The following CDH20 variants were observed in gnomAD, a reference collection of about 807,000 sequenced individuals.
CDH20 encodes cadherin-20.
CDH20 carries 29 observed loss-of-function variants against 74.2 expected under a neutral mutation model. That is an observed-to-expected ratio of 0.39 (90% CI 0.29 to 0.53). The LOEUF is 0.53. Ranked by LOEUF, CDH20 falls within the 20% of genes least tolerant of loss-of-function variation. The pLI, the probability that CDH20 is intolerant of heterozygous loss-of-function variation, is 0.69. For missense variants in CDH20, 988 were observed against 1,048.3 expected, an observed-to-expected ratio of 0.94 and a Z score of 0.79; for synonymous variants, 469 against 405.4, an observed-to-expected ratio of 1.16 and a Z score of -1.88.
In CDH20 at chr18:61,333,458, G is replaced by A. The variant is rs1395321572; in HGVS notation, c.-522G>A. 1 of 152,440 alleles carries A rather than the reference G, an allele frequency of 6.6e-6. No homozygotes were observed. Among genetic ancestry groups the A allele is most frequent in the African/African-American group, 2.4e-5 (1 of 41,470 alleles). The allele number at this position is 152,440 out of a possible 1,614,324, so 9.4% of individuals were successfully genotyped here. A position where few individuals can be genotyped will look rare whatever the true frequency, so the allele number is the denominator to read the frequency against. ...CACTCCTGCTAGGGAAGGCGCGAGG[G>A]AGGGGAAGCGGACCGCGCGCCACGC... On this transcript the variant is annotated 5_prime_UTR_variant, in exon 1 of 12. Transcript: ENST00000262717.
At chr18:61,485,900 G>A (rs775182448) in intron 1 of CDH20, among the ~76,000 whole-genome samples, 5 of 151,778 alleles carry the variant, frequency 3.3e-5, no homozygotes, top group Non-Finnish European at 5.9e-5. Flanking sequence ...GGTGAAACCC[G>A]GTCTCTACTA....
chr18:61,483,503 C>T (rs777228899), intron 1 of CDH20, among the ~76,000 whole-genome samples: 3 of 152,120 alleles, frequency 2.0e-5, no homozygotes, highest in Non-Finnish European at 4.4e-5. Flanking sequence ...CACAGCCTGG[C>T]GTAAACACTC....
intron 1 of CDH20, among the ~76,000 whole-genome samples, chr18:61,347,973 T>C (rs1019974141): frequency 2.0e-5 from 3 of 152,182 alleles, no homozygotes; most frequent in African/African-American, 7.2e-5. Flanking sequence ...TAGTTGATAA[T>C]TATAGCAATA....
chr18:61,417,079 G>T (rs1262572277), intron 1 of CDH20, among the ~76,000 whole-genome samples: 1 of 152,104 alleles, frequency 6.6e-6, no homozygotes, highest in Non-Finnish European at 1.5e-5. Context: ...TGATAATTTA[G>T]TGATTTAGTA....
intron 1 of CDH20, among the ~76,000 whole-genome samples, chr18:61,395,303 C>A (rs566157020): frequency 6.6e-6 from 1 of 152,162 alleles, no homozygotes; most frequent in Non-Finnish European, 1.5e-5. Context: ...CTGTTCTCAT[C>A]TATAAAATGA....
At chr18:61,512,954 T>G (rs1217036215) in intron 6 of CDH20, among the ~76,000 whole-genome samples, 1 of 152,146 alleles carries the variant, frequency 6.6e-6, no homozygotes, top group Non-Finnish European at 1.5e-5. Flanking sequence ...AGGTGTGGTG[T>G]GGTGCTGAAA....
chr18:61,413,569 T>C (rs1213814556), intron 1 of CDH20, among the ~76,000 whole-genome samples: 1 of 152,132 alleles, frequency 6.6e-6, no homozygotes, highest in East Asian at 1.9e-4. Context: ...TTCCAGTGAG[T>C]TGGCACAGTG....
At chr18:61,349,330 A>C (rs542357289) in intron 1 of CDH20, among the ~76,000 whole-genome samples, 1 of 152,278 alleles carries the variant, frequency 6.6e-6, no homozygotes, top group South Asian at 2.1e-4. Context: ...ACTTTCATGA[A>C]CTGTTAGCAG....
chr18:61,343,832 A>G (rs1472232246), intron 1 of CDH20, among the ~76,000 whole-genome samples: 1 of 152,192 alleles, frequency 6.6e-6, no homozygotes, highest in Non-Finnish European at 1.5e-5. Context: ...ATGAGTGGGA[A>G]GCATATTTTA....
chr18:61,420,346 G>A (rs1011809478), intron 1 of CDH20, among the ~76,000 whole-genome samples: 1 of 141,066 alleles, frequency 7.1e-6, no homozygotes, highest in African/African-American at 2.6e-5. Flanking sequence ...CATTCAGCCT[G>A]TCTTCACAGG....
At chr18:61,502,584 T>A (rs1911420054) in intron 4 of CDH20, among the ~76,000 whole-genome samples, 1 of 152,142 alleles carries the variant, frequency 6.6e-6, no homozygotes, top group South Asian at 2.1e-4. Context: ...CTTATGAGGC[T>A]TTGTTTTCTG....
intron 1 of CDH20, chr18:61,405,055 T>G: frequency 1.5e-6 from 1 of 683,922 alleles, no homozygotes; most frequent in Non-Finnish European, 2.7e-6. Flanking sequence ...GTTGGACAGT[T>G]GTTACAGAGA....
At chr18:61,405,309 T>G (rs1912296335) in intron 1 of CDH20, 1 of 274,724 alleles carries the variant, frequency 3.6e-6, no homozygotes. Flanking sequence ...GATATAGGGT[T>G]GGGTTTGGTG....
At chr18:61,526,760 G>T (rs949664978) in intron 6 of CDH20, among the ~76,000 whole-genome samples, 1 of 152,128 alleles carries the variant, frequency 6.6e-6, no homozygotes. Context: ...TGTATTTTAC[G>T]CGATGGAATT....
chr18:61,511,202 G>C (rs1357756781), intron 6 of CDH20, among the ~76,000 whole-genome samples: 1 of 151,540 alleles, frequency 6.6e-6, no homozygotes, highest in Non-Finnish European at 1.5e-5. Context: ...TGTCACCCAA[G>C]CTGGAGTGCA....
At chr18:61,338,881 A>G (rs1045230379) in intron 1 of CDH20, among the ~76,000 whole-genome samples, 4 of 152,182 alleles carry the variant, frequency 2.6e-5, no homozygotes, top group Non-Finnish European at 4.4e-5. Flanking sequence ...TTATAGTTCT[A>G]CAACTCCTGA....
chr18:61,341,161 A>G (rs1372380351), intron 1 of CDH20, among the ~76,000 whole-genome samples: 1 of 152,200 alleles, frequency 6.6e-6, no homozygotes, highest in Non-Finnish European at 1.5e-5. Context: ...CCAGGCTGAA[A>G]TGACAAAATC....
intron 1 of CDH20, among the ~76,000 whole-genome samples, chr18:61,406,455 G>C (rs1428869584): frequency 6.6e-6 from 1 of 152,240 alleles, no homozygotes; most frequent in Admixed American, 6.5e-5. Context: ...AAACAAGACA[G>C]ATGGGGTGAG....
Position 61,490,770 on chromosome 18 carries a change from A to G in CDH20, c.217A>G (p.Thr73Ala), listed in dbSNP as rs749184998. The G allele has an allele frequency of 7.4e-6, 12 of 1,614,074 alleles. No individual in the cohort carries two copies. In the East Asian group the frequency reaches 2.5e-4, roughly 33 times the overall value. Residue 73 changes from threonine to alanine, a missense_variant, in exon 2 of 12, where the codon ACT becomes GCT. This residue lies in a region of CDH20 where 613 missense variants were observed against 755.2 expected (regional missense o/e 0.81). Coordinates refer to ENST00000262717, the MANE Select transcript of CDH20 (RefSeq NM_031891.4). ...CCAGTTTTTCGTTCTGGAAGAGTACACTGGGACCGACCCTTTGTATGTCGG... is the reference window on the plus strand; with the variant it reads ...CCAGTTTTTCGTTCTGGAAGAGTACGCTGGGACCGACCCTTTGTATGTCGG... ...WNQFFVLEEY[T>A]GTDPLYVGKL...
Sources: allele counts gnomAD v4.1 joint callset (sites outside exome capture counted in the v4.1 genomes callset), GRCh38; gene constraint gnomAD v4.1.1; regional missense constraint gnomAD v4.1.1; transcripts MANE v1.5; gene names NCBI Gene and HGNC (gene_info 2026-07-23, HGNC 2026-07-21).